CLSPN: variants seen among roughly 807,000 people sequenced by gnomAD.
CLSPN encodes claspin, also known as claspin homolog.
CLSPN carries 85 observed loss-of-function variants against 156.3 expected under a neutral mutation model. That is an observed-to-expected ratio of 0.54 (90% CI 0.46 to 0.65). CLSPN has a LOEUF of 0.65. Among genes scored for constraint, CLSPN ranks in the 30% least tolerant of loss-of-function variants. The pLI is 0.00. For synonymous variants in CLSPN, 534 were observed against 542.4 expected (o/e 0.98, Z 0.22); for missense variants, 1,407 against 1,554.9 (o/e 0.90, Z 1.60).
chr1:35,730,726 G>T (rs955764654), downstream of CLSPN, among the ~76,000 whole-genome samples: 1 of 152,020 alleles, frequency 6.6e-6, no homozygotes, highest in Admixed American at 6.6e-5. Context: ...AGCCGGGTGT[G>T]GTGGTGCGTG....
chr1:35,732,713 C>CA lies in CLSPN; in HGVS notation c.*3782dup, dbSNP rs1641347102. The CA allele has an allele frequency of 1.0e-6, 1 of 985,332 alleles. No homozygotes were observed. The highest frequency in any genetic ancestry group is 1.7e-5 in the African/African-American group (1 of 57,236). The allele number at this position is 985,332 out of a possible 1,614,324, so 61.0% of individuals were successfully genotyped here. On this transcript the variant is annotated 3_prime_UTR_variant, in exon 25 of 25. Transcript: ENST00000318121. The stretch of plus-strand genomic sequence containing the variant: ...CAAGCTAGTGAAGCTGAGTCCTCCT[C>CA]AGAGCCATAGTGGCAGGTCCTGGGG...
chr1:35,721,089 C>A, intron 24 of CLSPN: 1 of 700,902 alleles, frequency 1.4e-6, no homozygotes, highest in Non-Finnish European at 2.4e-6. Flanking sequence ...GTTTTGTATG[C>A]CTTATTTTGC....
At position 35,749,737 on chromosome 1, in the gene CLSPN, A is replaced by G; in HGVS notation, c.2103T>C (p.Asp701=). Reference sequence around the variant, plus strand: ...CTGCCTTGCCAATTTCACTACTGCCATCATTATTTTCTTTATCCATTTCTT... The same window carrying G: ...CTGCCTTGCCAATTTCACTACTGCCGTCATTATTTTCTTTATCCATTTCTT... ...DEKEMDKENN[D]GSSEIGKAVG... is the part of the protein sequence containing the mutation. The change falls in exon 11 of 25, where the codon GAT becomes GAC. Residue 701 remains aspartate (D), a synonymous_variant. Transcript: ENST00000318121. 6.2e-7 allele frequency: 1 copy of G among 1,614,078 alleles called. No individual in the cohort carries two copies. The highest frequency in any genetic ancestry group is 2.2e-5 in the East Asian group (1 of 44,870).
rs115525961 is a variant in CLSPN at position 35,761,154 on chromosome 1, C to G, written c.946G>C (p.Asp316His). ...YHMPENKTIH[D>H]FFKRKPRPTC... ...GGCCGGGGTTTACGTTTGAAGAAAT[C>G]ATGAATGGTTTTATTCTCAGGCATA... The change falls in exon 7 of 25, where the codon GAT becomes CAT. Residue 316 changes from aspartate (D) to histidine (H), a missense_variant. This residue lies in a region of CLSPN where 1,096 missense variants were observed against 1,193.0 expected (regional missense o/e 0.92). Coordinates refer to ENST00000318121, the MANE Select transcript of CLSPN (RefSeq NM_022111.4). The G allele has an allele frequency of 2.1e-4, 331 of 1,613,960 alleles. No homozygotes were observed. The highest frequency in any genetic ancestry group is 2.8e-4 in the Non-Finnish European group (325 of 1,179,876).
chr1:35,732,284 G>A lies in CLSPN; in HGVS notation c.*4212C>T. 1 of 985,348 alleles carries A rather than the reference G, an allele frequency of 1.0e-6. No homozygotes were observed. Among genetic ancestry groups the A allele is most frequent in the Non-Finnish European group, 1.2e-6 (1 of 829,926 alleles). The allele number at this position is 985,348 out of a possible 1,614,324, so 61.0% of individuals were successfully genotyped here. ...CCAGAAATACTCTCCTCTATCCTTA[G>A]GAGCACAAATCCCAGGACAGGATGC... On this transcript the variant is annotated 3_prime_UTR_variant, in exon 25 of 25. Coordinates refer to ENST00000318121, the MANE Select transcript of CLSPN (RefSeq NM_022111.4).
chr1:35,730,567 TAAAAAAAAAAA>T (rs56320150), downstream of CLSPN, among the ~76,000 whole-genome samples: 1 of 62,028 alleles, frequency 1.6e-5, no homozygotes, highest in South Asian at 5.2e-4. Flanking sequence ...GAATCCATAT[TAAAAAAAAAAA>T]AAAAAAAAAA....
At chr1:35,769,786 CA>C (rs1553139205) in intron 1 of CLSPN, 60 bp downstream of exon 1, 14 of 1,536,996 alleles carry the variant, frequency 9.1e-6, no homozygotes, top group Non-Finnish European at 1.1e-5. Context: ...ACCCCGGCCC[CA>C]CCTAACCTCT....
chr1:35,744,941 G>C (rs2148616780), intron 16 of CLSPN, among the ~76,000 whole-genome samples: 1 of 152,090 alleles, frequency 6.6e-6, no homozygotes, highest in Admixed American at 6.5e-5. Flanking sequence ...AGCCTCCCAA[G>C]TAGCTGGGAT....
At position 35,732,997 on chromosome 1, in the gene CLSPN, C is replaced by T. The variant is rs1641354004; in HGVS notation, c.*3499G>A. On this transcript the variant is annotated 3_prime_UTR_variant, in exon 25 of 25. Coordinates refer to ENST00000318121, the MANE Select transcript of CLSPN (RefSeq NM_022111.4). ...TTTTTTTTTTTGAGAGGGAGTCTCA[C>T]TCTGTCGCCCATGCTGGAGAGCAGT... 1.0e-6 allele frequency: 1 copy of T among 964,454 alleles called. No homozygotes were observed. 59.7% of individuals were successfully genotyped at this position (964,454 alleles called of 1,614,324 possible).
At chr1:35,753,173 A>C (rs1642151200) in intron 9 of CLSPN, among the ~76,000 whole-genome samples, 1 of 151,954 alleles carries the variant, frequency 6.6e-6, no homozygotes, top group Non-Finnish European at 1.5e-5. Context: ...ACTCATTACA[A>C]CCTCAACCTC....
chr1:35,762,309 AAT>A (rs1642507513), intron 5 of CLSPN, 93 bp downstream of exon 5: 2 of 1,170,790 alleles, frequency 1.7e-6, no homozygotes, highest in Non-Finnish European at 2.5e-6. Context: ...GTAACAGAAA[AAT>A]ATGATAGACA....
chr1:35,720,877 C>CT, exon 25 of CLSPN: 1 of 1,598,774 alleles, frequency 6.3e-7, no homozygotes. Context: ...TCTTTGGACT[C>CT]TGTCTCTCCC....
At position 35,743,343 on chromosome 1, in the gene CLSPN, G is replaced by A. The variant is rs1226191160; in HGVS notation, c.3043-102C>T. 4 of 1,378,984 alleles carry A rather than the reference G, an allele frequency of 2.9e-6. No homozygotes were observed. The South Asian group carries it at 3.6e-5, about 12-fold the overall frequency. 85.4% of individuals were successfully genotyped at this position (1,378,984 alleles called of 1,614,324 possible). A position where few individuals can be genotyped will look rare whatever the true frequency, so the allele number is the denominator to read the frequency against. Reference sequence around the variant, plus strand: ...CCCAAATACCTCATTCTAGGAAATTGTTTCTGATAAGATGCCAAACTTAGA... The same window carrying A: ...CCCAAATACCTCATTCTAGGAAATTATTTCTGATAAGATGCCAAACTTAGA... On this transcript the variant is annotated intron_variant, in intron 17 of 24. Transcript: ENST00000318121.
intron 9 of CLSPN, among the ~76,000 whole-genome samples, chr1:35,752,375 C>T (rs565539689): frequency 1.2e-4 from 19 of 152,112 alleles, no homozygotes; most frequent in African/African-American, 3.6e-4. Flanking sequence ...GTCAGGAGTT[C>T]GAGACCAGCC....
At chr1:35,753,612 C>T in intron 9 of CLSPN, 133 bp downstream of exon 9, 1 of 792,554 alleles carries the variant, frequency 1.3e-6, no homozygotes, top group Non-Finnish European at 2.0e-6. Context: ...GTGAATCATG[C>T]CAGAGATACT....
At position 35,747,096 on chromosome 1, in the gene CLSPN, G is replaced by T. The variant is rs1174349921; in HGVS notation, c.2628-104C>A. 3 of 786,802 alleles carry T rather than the reference G, an allele frequency of 3.8e-6. No homozygotes were observed. In the African/African-American group the frequency reaches 5.2e-5, roughly 14 times the overall value. 48.7% of individuals were successfully genotyped at this position (786,802 alleles called of 1,614,324 possible). On this transcript the variant is annotated intron_variant, in intron 14 of 24. Coordinates refer to ENST00000318121, the MANE Select transcript of CLSPN (RefSeq NM_022111.4). The stretch of plus-strand genomic sequence containing the variant: ...CCAGCACTTCGGGAGGCCGAGGCGG[G>T]CGGATCACGAGGTCAGGAGATCAAG...
chr1:35,743,262 C>T, intron 17 of CLSPN, 21 bp from the exon 18 acceptor site: 1 of 1,578,196 alleles, frequency 6.3e-7, no homozygotes, highest in South Asian at 1.1e-5. Flanking sequence ...AGCATCATAT[C>T]CAAATTAAGC....
chr1:35,734,678 A>AAG lies in CLSPN; in HGVS notation c.*1817_*1818insCT. 1.6e-6 allele frequency: 1 copy of AAG among 607,274 alleles called. No homozygotes were observed. Among genetic ancestry groups the AAG allele is most frequent in the Non-Finnish European group, 1.8e-6 (1 of 559,084 alleles). The allele number at this position is 607,274 out of a possible 1,614,324, so 37.6% of individuals were successfully genotyped here. On this transcript the variant is annotated 3_prime_UTR_variant, in exon 25 of 25. Transcript: ENST00000318121. ...AGGTGACAGAGCCAGCCTATGTCTC[A>AAG]AAAAAAAAAAAAGAAAAGAAAAGAA...
Position 35,726,152 on chromosome 1 carries a change from C to CAAAAAAAAAAAAAAAAAAAAAA in CLSPN, c.3910-5194_3910-5173dup, listed in dbSNP as rs3041363. The stretch of plus-strand genomic sequence containing the variant: ...ACACACCCATAGAAACAGATGCAGA[C>CAAAAAAAAAAAAAAAAAAAAAA]AAAAAAAAAAAAAAAAAAAAAAAGC... On this transcript the variant is annotated intron_variant, in intron 24 of 24. Coordinates refer to the CLSPN transcript ENST00000251195. 1.5e-4 allele frequency among the ~76,000 whole-genome samples: 7 copies of CAAAAAAAAAAAAAAAAAAAAAA among 48,202 alleles called. 1 individual carries two copies. The highest frequency in any genetic ancestry group is 3.7e-4 in the Admixed American group (1 of 2,710). 31.6% of individuals were successfully genotyped at this position (48,202 alleles called of 152,430 possible).
Sources: allele counts gnomAD v4.1 joint callset (sites outside exome capture counted in the v4.1 genomes callset), GRCh38; gene constraint gnomAD v4.1.1; regional missense constraint gnomAD v4.1.1; transcripts MANE v1.5; gene names NCBI Gene and HGNC (gene_info 2026-07-23, HGNC 2026-07-21).